Variants in NFIL3 observed in about 807,000 individuals in gnomAD.
NFIL3 encodes the protein nuclear factor interleukin-3-regulated protein.
In NFIL3, 5 loss-of-function variants were observed where a neutral mutation model predicts 10.0. The observed-to-expected ratio is 0.50, with a 90% CI of 0.26 to 1.06. The LOEUF is 1.06. NFIL3 is among the 50% of genes least tolerant of loss of function. The pLI is 0.13. For missense variants in NFIL3, 436 were observed against 547.6 expected, an observed-to-expected ratio of 0.80 and a Z score of 2.03; for synonymous variants, 202 against 206.5, an observed-to-expected ratio of 0.98 and a Z score of 0.19.
chr9:91,463,575 C>A, the NFIL3 span, among the ~76,000 whole-genome samples: 1 of 151,890 alleles, frequency 6.6e-6, no homozygotes, highest in Non-Finnish European at 1.5e-5. Context: ...TAAGAATGGC[C>A]CGGCACATGA....
chr9:91,445,149 T>G, the NFIL3 span, among the ~76,000 whole-genome samples: 1 of 152,192 alleles, frequency 6.6e-6, no homozygotes, highest in Admixed American at 6.5e-5. Context: ...GGCATAGTAC[T>G]GACTTGGCTC....
chr9:91,413,255 CT>C (rs5899127), intron 1 of NFIL3, among the ~76,000 whole-genome samples: 20,652 of 146,300 alleles, frequency 0.14, 1,807 homozygotes, highest in Non-Finnish European at 0.2. Context: ...ATATTATTTC[CT>C]TTTTTTTTTT....
At chr9:91,457,992 C>T in the NFIL3 span, among the ~76,000 whole-genome samples, 1 of 151,778 alleles carries the variant, frequency 6.6e-6, no homozygotes, top group African/African-American at 2.4e-5. Context: ...GCAAGCCAAC[C>T]TTGTATTCAT....
At chr9:91,448,890 G>A in the NFIL3 span, among the ~76,000 whole-genome samples, 1 of 151,992 alleles carries the variant, frequency 6.6e-6, no homozygotes, top group Non-Finnish European at 1.5e-5. Flanking sequence ...ATTAATTTTG[G>A]TCCTAATTTC....
the NFIL3 span, among the ~76,000 whole-genome samples, chr9:91,451,922 G>A: frequency 3.3e-5 from 5 of 152,284 alleles, no homozygotes; most frequent in South Asian, 1.0e-3. Flanking sequence ...CTTGCAAGTA[G>A]AGTAAAATCC....
At chr9:91,431,703 T>C in the NFIL3 span, among the ~76,000 whole-genome samples, 3 of 152,238 alleles carry the variant, frequency 2.0e-5, no homozygotes, top group Non-Finnish European at 4.4e-5. Context: ...ACTTGGGCTA[T>C]GCTGCTCCAG....
At chr9:91,474,274 CT>C in the NFIL3 span, among the ~76,000 whole-genome samples, 1 of 152,014 alleles carries the variant, frequency 6.6e-6, no homozygotes, top group Non-Finnish European at 1.5e-5. Context: ...ATTGACCTGT[CT>C]TGCACACCTG....
chr9:91,434,275 T>G, the NFIL3 span, among the ~76,000 whole-genome samples: 3 of 152,130 alleles, frequency 2.0e-5, no homozygotes, highest in Non-Finnish European at 4.4e-5. Flanking sequence ...ATAATATGCT[T>G]CCAGAACCTC....
the NFIL3 span, among the ~76,000 whole-genome samples, chr9:91,459,674 G>C: frequency 6.6e-6 from 1 of 152,166 alleles, no homozygotes; most frequent in Non-Finnish European, 1.5e-5. Context: ...GACAGAGAGA[G>C]ACTCTGTCTT....
At chr9:91,423,443 G>T (rs1407110976) in intron 1 of NFIL3, among the ~76,000 whole-genome samples, 197 bp downstream of exon 1, 1 of 151,996 alleles carries the variant, frequency 6.6e-6, no homozygotes, top group Non-Finnish European at 1.5e-5. Context: ...CCACCTTAAG[G>T]TGGCGAGTCC....
At chr9:91,424,143 C>T (rs1485891618), upstream of NFIL3, among the ~76,000 whole-genome samples, 1 of 152,018 alleles carries the variant, frequency 6.6e-6, no homozygotes, top group African/African-American at 2.4e-5. Flanking sequence ...GCGGCCGACA[C>T]GACCGGAGCG....
chr9:91,451,944 C>T, the NFIL3 span, among the ~76,000 whole-genome samples: 1 of 152,188 alleles, frequency 6.6e-6, no homozygotes. Context: ...AGACCCCTCA[C>T]AATTCTTGAA....
the NFIL3 span, among the ~76,000 whole-genome samples, chr9:91,449,094 G>A: frequency 2.0e-5 from 3 of 152,102 alleles, no homozygotes; most frequent in Admixed American, 6.5e-5. Context: ...AAACTTTGTG[G>A]AATTAATTTA....
At position 91,409,199 on chromosome 9, in the gene NFIL3, G is replaced by T; in HGVS notation, c.*147C>A. 1 of 710,394 alleles carries T rather than the reference G, an allele frequency of 1.4e-6. No homozygotes were observed. The highest frequency in any genetic ancestry group is 2.3e-6 in the Non-Finnish European group (1 of 442,264). The allele number at this position is 710,394 out of a possible 1,614,324, so 44.0% of individuals were successfully genotyped here. On this transcript the variant is annotated 3_prime_UTR_variant, in exon 2 of 2. Coordinates refer to ENST00000297689, the MANE Select transcript of NFIL3 (RefSeq NM_005384.3). ...CACAATCTAATCTTCATCATAATCT[G>T]TGCACAAAAAGACACCAAACAGACA...
At chr9:91,451,921 A>G in the NFIL3 span, among the ~76,000 whole-genome samples, 4,692 of 152,342 alleles carry the variant, frequency 0.031, 99 homozygotes, top group East Asian at 0.093. Flanking sequence ...GCTTGCAAGT[A>G]GAGTAAAATC....
the NFIL3 span, among the ~76,000 whole-genome samples, chr9:91,433,673 A>C: frequency 1.3e-5 from 2 of 152,116 alleles, no homozygotes; most frequent in Admixed American, 1.3e-4. Flanking sequence ...CTTCTTGAAC[A>C]TGAGAAACAC....
the NFIL3 span, among the ~76,000 whole-genome samples, chr9:91,455,820 C>T: frequency 6.6e-6 from 1 of 152,154 alleles, no homozygotes; most frequent in Non-Finnish European, 1.5e-5. Context: ...TTATTTATAT[C>T]CTACTGCTCA....
the NFIL3 span, among the ~76,000 whole-genome samples, chr9:91,445,049 T>C: frequency 1.3e-5 from 2 of 152,160 alleles, no homozygotes; most frequent in Non-Finnish European, 2.9e-5. Context: ...AGTTCTCTAA[T>C]AAAGCTGGGG....
the NFIL3 span, among the ~76,000 whole-genome samples, chr9:91,446,159 A>T: frequency 6.6e-6 from 1 of 152,202 alleles, no homozygotes; most frequent in South Asian, 2.1e-4. Flanking sequence ...TGAAGAATGC[A>T]GATGTCCACA....
Sources: gnomAD v4.1 joint callset for allele counts (sites outside exome capture counted in the v4.1 genomes callset) on GRCh38, gnomAD v4.1.1 for gene constraint, MANE v1.5 for transcripts, NCBI Gene and HGNC (gene_info 2026-07-23, HGNC 2026-07-21) for gene names.